Variants in CUX1 observed in about 807,000 individuals in gnomAD.
CUX1 encodes the protein cut like homeobox 1, also known as protein CASP.
A neutral mutation model predicts 158.8 loss-of-function variants in CUX1; 31 were observed. The ratio of observed to expected loss-of-function variants is 0.20; its 90% confidence interval spans 0.15 to 0.26. The LOEUF (loss-of-function observed/expected upper bound fraction) is 0.26, where lower values mean the gene tolerates loss of function less well. Ranked by LOEUF, CUX1 falls within the 10% of genes least tolerant of loss-of-function variation. The probability of loss-of-function intolerance (pLI) is 1.00; values close to 1 mark genes in which losing one functional copy is unlikely to be tolerated. For missense variants in CUX1, 1,589 were observed against 2,014.6 expected (o/e 0.79, Z 4.04); for synonymous variants, 879 against 862.1 (o/e 1.02, Z -0.34).
In CUX1 at chr7:102,028,470, C is replaced by T. The variant is rs187018669; in HGVS notation, c.189+325C>T. Reference sequence around the variant, plus strand: ...AGCCCATGCATCCCCTCTAGGAAGTCGCCTTGTCCCCCTGAGCTGGTCTGG... The same window carrying T: ...AGCCCATGCATCCCCTCTAGGAAGTTGCCTTGTCCCCCTGAGCTGGTCTGG... On this transcript the variant is annotated intron_variant, in intron 3 of 23. Transcript: ENST00000292535. 3.5e-3 allele frequency among the ~76,000 whole-genome samples: 532 copies of T among 152,282 alleles called. 4 individuals carry two copies. Among genetic ancestry groups the T allele is most frequent in the African/African-American group, 0.012 (508 of 41,566 alleles).
rs532868623 is a variant in CUX1 at position 102,267,683 on chromosome 7, G to A, written c.1256-5683G>A. On this transcript the variant is annotated intron_variant, in intron 14 of 22. Coordinates refer to the CUX1 transcript ENST00000292538. ...AGACTTTTTTTGGGCGTGGTGCAGAGAGGGACAGGGTCTTGCTCTGTCACC... is the reference window on the plus strand; with the variant it reads ...AGACTTTTTTTGGGCGTGGTGCAGAAAGGGACAGGGTCTTGCTCTGTCACC... 3.9e-5 allele frequency among the ~76,000 whole-genome samples: 6 copies of A among 152,260 alleles called. No homozygotes were observed. In the South Asian group the frequency reaches 1.2e-3, roughly 32 times the overall value.
chr7:102,175,252 A>G (rs1792181493), intron 10 of CUX1, among the ~76,000 whole-genome samples: 1 of 152,214 alleles, frequency 6.6e-6, no homozygotes, highest in Admixed American at 6.5e-5. Flanking sequence ...TGTCACTGGA[A>G]GCACCTGTCC....
chr7:102,248,802 C>T lies in CUX1; in HGVS notation c.4278C>T (p.Ala1426=). ...APEDAATSAA[A]APGEGPAAPS... The stretch of plus-strand genomic sequence containing the variant: ...AGGACGCCGCTACCTCAGCCGCCGC[C>T]GCGCCGGGGGAGGGCCCCGCGGCCC... The change falls in exon 24 of 24, where the codon GCC becomes GCT. Residue 1426 remains alanine, a synonymous_variant. Coordinates refer to ENST00000292535, the MANE Select transcript of CUX1 (RefSeq NM_181552.4). This position sits in a 1 kb window ranked among gnomAD's most constrained non-coding sequence, Gnocchi z 5.8. 1.8e-6 allele frequency: 2 copies of T among 1,094,144 alleles called. No homozygotes were observed. The highest frequency in any genetic ancestry group is 2.2e-6 in the Non-Finnish European group (2 of 899,018). The allele number at this position is 1,094,144 out of a possible 1,614,324, so 67.8% of individuals were successfully genotyped here. A position where few individuals can be genotyped will look rare whatever the true frequency, so the allele number is the denominator to read the frequency against.
intron 1 of CUX1, among the ~76,000 whole-genome samples, chr7:101,822,925 CATCTA>C (rs1046977128): frequency 1.3e-5 from 2 of 150,196 alleles, no homozygotes; most frequent in African/African-American, 4.9e-5. Flanking sequence ...AAAAAAAAGA[CATCTA>C]ATTTGTTGTA....
chr7:101,972,049 C>T (rs1812021382), intron 2 of CUX1, among the ~76,000 whole-genome samples: 2 of 152,224 alleles, frequency 1.3e-5, no homozygotes, highest in Admixed American at 1.3e-4. Context: ...TCACTGCAAG[C>T]TCCGCCTCCC....
intron 8 of CUX1, among the ~76,000 whole-genome samples, chr7:102,137,190 A>ATGC (rs1224229922): frequency 2.0e-5 from 3 of 152,092 alleles, no homozygotes; most frequent in Non-Finnish European, 4.4e-5. Flanking sequence ...TTCCATGTTA[A>ATGC]TCAAATGCTC....
chr7:102,083,376 A>G (rs1827651290), intron 4 of CUX1, among the ~76,000 whole-genome samples: 2 of 147,152 alleles, frequency 1.4e-5, no homozygotes, highest in African/African-American at 4.9e-5. Context: ...ATATAGTCAT[A>G]GCTCACTACA....
chr7:102,214,865 A>T (rs929051683), intron 20 of CUX1, among the ~76,000 whole-genome samples: 1 of 152,244 alleles, frequency 6.6e-6, no homozygotes. Flanking sequence ...ATATAGCCCG[A>T]GTCTGAATTG....
intron 2 of CUX1, among the ~76,000 whole-genome samples, chr7:101,919,912 G>A (rs115773413): frequency 4.6e-5 from 7 of 152,198 alleles, no homozygotes; most frequent in African/African-American, 1.2e-4. Context: ...GGAGGTGAGC[G>A]CCAGGATGGC....
chr7:102,155,918 C>T (rs1197570095), intron 8 of CUX1, among the ~76,000 whole-genome samples: 5 of 152,290 alleles, frequency 3.3e-5, no homozygotes, highest in Admixed American at 1.3e-4. Flanking sequence ...CTTACAGAGA[C>T]GCTGCCTTCT....
intron 5 of CUX1, among the ~76,000 whole-genome samples, chr7:102,102,532 C>T (rs1699622701): frequency 6.6e-6 from 1 of 151,792 alleles, no homozygotes; most frequent in Non-Finnish European, 1.5e-5. Context: ...GTCCGTGCAG[C>T]TCAGGGAGCA....
At chr7:102,265,229 G>A (rs782072919) in intron 14 of CUX1, among the ~76,000 whole-genome samples, 44 of 151,952 alleles carry the variant, frequency 2.9e-4, no homozygotes, top group Non-Finnish European at 5.6e-4. Context: ...GGTAGCGGGC[G>A]CCTGTAATCC....
intron 2 of CUX1, among the ~76,000 whole-genome samples, chr7:101,957,084 T>C (rs932508141): frequency 6.6e-6 from 1 of 152,218 alleles, no homozygotes; most frequent in Non-Finnish European, 1.5e-5. Flanking sequence ...ATGCTAAAAA[T>C]CATTCATTCA....
intron 1 of CUX1, among the ~76,000 whole-genome samples, chr7:101,839,936 A>ATTTTTAG (rs1462188598): frequency 4.6e-5 from 7 of 151,960 alleles, no homozygotes; most frequent in South Asian, 2.1e-4. Flanking sequence ...TAATTTTTGT[A>ATTTTTAG]TTTTTAGTAC....
chr7:102,272,541 AG>A (rs1481125869), intron 14 of CUX1, among the ~76,000 whole-genome samples: 2 of 152,200 alleles, frequency 1.3e-5, no homozygotes, highest in African/African-American at 2.4e-5. Flanking sequence ...GGGACCAGAA[AG>A]GGGGATCCAG....
chr7:102,111,899 G>T, intron 7 of CUX1, 125 bp downstream of exon 7: 1 of 756,970 alleles, frequency 1.3e-6, no homozygotes. Context: ...GAGCTGCCGG[G>T]AGCCCACGCT....
chr7:102,181,169 G>C (rs1046652816), intron 11 of CUX1, among the ~76,000 whole-genome samples: 2 of 151,856 alleles, frequency 1.3e-5, no homozygotes, highest in Admixed American at 1.3e-4. Flanking sequence ...TCAAATTCCC[G>C]ATCTCAGGTG....
At chr7:101,995,455 ATCTT>A in intron 2 of CUX1, among the ~76,000 whole-genome samples, 1 of 152,242 alleles carries the variant, frequency 6.6e-6, no homozygotes, top group East Asian at 1.9e-4. Flanking sequence ...ATTCTGGTCT[ATCTT>A]ACGCCTTTGG....
At chr7:102,167,812 G>A (rs1307504013) in intron 9 of CUX1, among the ~76,000 whole-genome samples, 1 of 152,120 alleles carries the variant, frequency 6.6e-6, no homozygotes, top group East Asian at 1.9e-4. Context: ...GGATGCAGTG[G>A]CTCACACCTG....
Sources: gnomAD v4.1 joint callset for allele counts (sites outside exome capture counted in the v4.1 genomes callset) on GRCh38, gnomAD v4.1.1 for gene constraint, Gnocchi (gnomAD v3.1) non-coding constraint, MANE v1.5 for transcripts, NCBI Gene and HGNC (gene_info 2026-07-23, HGNC 2026-07-21) for gene names.